The following RERG variants were observed in gnomAD, a reference collection of about 807,000 sequenced individuals.
The protein encoded by RERG is ras-related and estrogen-regulated growth inhibitor.
Under a neutral mutation model 23.2 loss-of-function variants are expected in RERG, and 25 were observed. That is an observed-to-expected ratio of 1.08 (90% CI 0.79 to 1.50). The LOEUF is 1.50. Ranked by LOEUF, RERG falls within the 40% of genes most tolerant of loss-of-function variation. The pLI is 0.00. For synonymous variants in RERG, 81 were observed against 89.1 expected (o/e 0.91, Z 0.51); for missense variants, 253 against 250.1 (o/e 1.01, Z -0.08).
At chr12:15,211,889 A>C (rs1865370682) in intron 2 of RERG, among the ~76,000 whole-genome samples, 1 of 152,090 alleles carries the variant, frequency 6.6e-6, no homozygotes, top group East Asian at 1.9e-4. Context: ...CCAAAAGTTT[A>C]ATGGCTAGTT....
intron 2 of RERG, among the ~76,000 whole-genome samples, chr12:15,209,032 G>A (rs1017791862): frequency 9.9e-5 from 15 of 152,004 alleles, no homozygotes; most frequent in African/African-American, 3.6e-4. Flanking sequence ...TACAACCTCC[G>A]GATATGCTGT....
At chr12:15,114,543 T>C (rs1863685137) in intron 3 of RERG, 1 of 152,192 alleles carries the variant, frequency 6.6e-6, no homozygotes, top group South Asian at 2.1e-4. Flanking sequence ...GACCATAAGA[T>C]TGGCAAAAAT....
At chr12:15,145,831 T>C (rs1333856923) in intron 2 of RERG, among the ~76,000 whole-genome samples, 1 of 152,244 alleles carries the variant, frequency 6.6e-6, no homozygotes, top group Admixed American at 6.5e-5. Context: ...TAAAATGGAC[T>C]ATTTCAACTT....
chr12:15,166,526 GTGGTGGTGGTGGTGGTAGTGGTGT>G (rs1333154258), intron 2 of RERG, among the ~76,000 whole-genome samples: 3 of 151,222 alleles, frequency 2.0e-5, no homozygotes, highest in African/African-American at 4.8e-5. Flanking sequence ...GGTGGTGATG[GTGGTGGTGGTGGTGGTAGTGGTGT>G]TGGTGGTGGT....
intron 2 of RERG, among the ~76,000 whole-genome samples, chr12:15,147,304 T>C (rs1168827893): frequency 6.6e-6 from 1 of 152,216 alleles, no homozygotes; most frequent in African/African-American, 2.4e-5. Flanking sequence ...ATGAACATCA[T>C]TTCTGTTGTA....
rs1863549844 is a variant in RERG, at chr12:15,109,065, G to A, written c.*45C>T. 1 of 1,476,834 alleles carries A rather than the reference G, an allele frequency of 6.8e-7. No individual in the cohort carries two copies. Among genetic ancestry groups the A allele is most frequent in the African/African-American group, 1.4e-5 (1 of 70,820 alleles). 91.5% of individuals were successfully genotyped at this position (1,476,834 alleles called of 1,614,324 possible). The stretch of plus-strand genomic sequence containing the variant: ...TTTTATTTTTGAAAGGGGAACAGAA[G>A]GGGAAGAGTGTTTCCAATTAGTTGG... On this transcript the variant is annotated 3_prime_UTR_variant, in exon 5 of 5. Transcript: ENST00000256953.
chr12:15,146,898 A>G (rs1312818804), intron 2 of RERG, among the ~76,000 whole-genome samples: 3 of 152,156 alleles, frequency 2.0e-5, no homozygotes, highest in African/African-American at 7.2e-5. Flanking sequence ...CCTTAAGCAC[A>G]TCAACTTGGA....
intron 2 of RERG, among the ~76,000 whole-genome samples, chr12:15,156,168 A>AT (rs1425256136): frequency 1.3e-5 from 2 of 152,198 alleles, no homozygotes; most frequent in African/African-American, 4.8e-5. Context: ...ACATTTTGAG[A>AT]TATCAGCAAC....
Position 15,217,531 on chromosome 12 carries a change from C to T in RERG, c.-42G>A, listed in dbSNP as rs1397429852. On this transcript the variant is annotated 5_prime_UTR_variant, in exon 2 of 5. Coordinates refer to ENST00000256953, the MANE Select transcript of RERG (RefSeq NM_032918.3). ...CAATTTACTGTTGTTAAAACTAAAGCACTGAGTAAATCTTTTTGGTTCCAG... is the reference window on the plus strand; with the variant it reads ...CAATTTACTGTTGTTAAAACTAAAGTACTGAGTAAATCTTTTTGGTTCCAG... 1 of 1,382,940 alleles carries T rather than the reference C, an allele frequency of 7.2e-7. No homozygotes were observed. Among genetic ancestry groups the T allele is most frequent in the South Asian group, 1.2e-5 (1 of 86,388 alleles). 85.7% of individuals were successfully genotyped at this position (1,382,940 alleles called of 1,614,324 possible). A position where few individuals can be genotyped will look rare whatever the true frequency, so the allele number is the denominator to read the frequency against.
intron 1 of RERG, among the ~76,000 whole-genome samples, chr12:15,220,710 A>C (rs951140153): frequency 1.3e-5 from 2 of 152,154 alleles, no homozygotes; most frequent in Non-Finnish European, 2.9e-5. Flanking sequence ...TATTTAGGGA[A>C]GCAAAGACCC....
At chr12:15,167,769 CA>C (rs1441602779) in intron 2 of RERG, among the ~76,000 whole-genome samples, 1 of 152,110 alleles carries the variant, frequency 6.6e-6, no homozygotes, top group Non-Finnish European at 1.5e-5. Context: ...CCCTGTTTAA[CA>C]TTTCTAATAA....
chr12:15,212,028 G>A (rs1049201614), intron 2 of RERG, among the ~76,000 whole-genome samples: 1 of 135,496 alleles, frequency 7.4e-6, no homozygotes, highest in African/African-American at 2.6e-5. Context: ...TGTGATATTA[G>A]AGCCACGAAT....
Position 15,192,081 on chromosome 12 carries a change from G to A in RERG, c.61+25348C>T, listed in dbSNP as rs190951766. On this transcript the variant is annotated intron_variant, in intron 2 of 4. Coordinates refer to ENST00000256953, the MANE Select transcript of RERG (RefSeq NM_032918.3). ...ATCCCCAGTGTTAGAGGTGGAGCCT[G>A]GTGGGAGGTGTTTGGATCATGGGGC... 1.2e-3 allele frequency among the ~76,000 whole-genome samples: 179 copies of A among 152,298 alleles called. 1 individual carries two copies. Among genetic ancestry groups the A allele is most frequent in the South Asian group, 2.7e-3 (13 of 4,820 alleles).
At chr12:15,152,864 T>C (rs1864465780) in intron 2 of RERG, among the ~76,000 whole-genome samples, 1 of 152,198 alleles carries the variant, frequency 6.6e-6, no homozygotes, top group Non-Finnish European at 1.5e-5. Flanking sequence ...ATAGTAATTT[T>C]CTTAAAATAT....
intron 2 of RERG, among the ~76,000 whole-genome samples, chr12:15,126,681 G>GTA (rs1863947676): frequency 6.7e-6 from 1 of 149,988 alleles, no homozygotes; most frequent in Non-Finnish European, 1.5e-5. Flanking sequence ...TATTTAAAAT[G>GTA]TACTAACTCA....
intron 2 of RERG, among the ~76,000 whole-genome samples, chr12:15,149,587 GCTACTT>G (rs1864403568): frequency 7.9e-5 from 12 of 152,182 alleles, no homozygotes; most frequent in Admixed American, 7.9e-4. Context: ...GGGGAAAAGT[GCTACTT>G]CTATAGAAGA....
At chr12:15,168,837 T>C (rs530826902) in intron 2 of RERG, among the ~76,000 whole-genome samples, 1 of 152,354 alleles carries the variant, frequency 6.6e-6, no homozygotes, top group African/African-American at 2.4e-5. Flanking sequence ...TTCTCTCAAT[T>C]CGCAGATGAG....
In RERG at chr12:15,154,806, A is replaced by G. The variant is rs539555659; in HGVS notation, c.62-33687T>C. On this transcript the variant is annotated intron_variant, in intron 2 of 4. Transcript: ENST00000256953. ...CAGCAACTTAAAGACTATTATGTAAACAGAATTTTCATACCTAGAATTTTA... is the reference window on the plus strand; with the variant it reads ...CAGCAACTTAAAGACTATTATGTAAGCAGAATTTTCATACCTAGAATTTTA... 5.3e-5 allele frequency among the ~76,000 whole-genome samples: 8 copies of G among 151,956 alleles called. No individual in the cohort carries two copies. In the South Asian group the frequency reaches 8.4e-4, roughly 16 times the overall value.
At chr12:15,201,036 C>G (rs184408419) in intron 2 of RERG, among the ~76,000 whole-genome samples, 73 of 151,908 alleles carry the variant, frequency 4.8e-4, no homozygotes, top group Admixed American at 4.5e-3. Context: ...GAATTTGGAA[C>G]AAAAATATTA....
Sources: gnomAD v4.1 joint callset for allele counts (sites outside exome capture counted in the v4.1 genomes callset) on GRCh38, gnomAD v4.1.1 for gene constraint, MANE v1.5 for transcripts, NCBI Gene and HGNC (gene_info 2026-07-23, HGNC 2026-07-21) for gene names.